The following RIMS2 variants were observed in gnomAD, a reference collection of about 807,000 sequenced individuals.
RIMS2 encodes the protein regulating synaptic membrane exocytosis protein 2.
In RIMS2, 59 loss-of-function variants were observed where a neutral mutation model predicts 174.4. The ratio of observed to expected loss-of-function variants is 0.34; its 90% confidence interval spans 0.27 to 0.42. The LOEUF (loss-of-function observed/expected upper bound fraction) is 0.42, where lower values mean the gene tolerates loss of function less well. Ranked by LOEUF, RIMS2 falls within the 10% of genes least tolerant of loss-of-function variation. The pLI is 1.00. For missense variants in RIMS2, 1,620 were observed against 1,666.3 expected (o/e 0.97, Z 0.48); for synonymous variants, 606 against 572.5 (o/e 1.06, Z -0.84).
intron 19 of RIMS2, among the ~76,000 whole-genome samples, chr8:104,073,053 A>G (rs1424706126): frequency 1.3e-5 from 2 of 152,172 alleles, no homozygotes; most frequent in African/African-American, 4.8e-5. Flanking sequence ...TTTAAGGATC[A>G]ACGTATTTTT....
intron 3 of RIMS2, among the ~76,000 whole-genome samples, chr8:103,821,526 A>G (rs998328067): frequency 3.3e-5 from 5 of 151,744 alleles, no homozygotes; most frequent in African/African-American, 1.2e-4. Context: ...ATGTCCCATC[A>G]GCTACTTGAT....
intron 1 of RIMS2, among the ~76,000 whole-genome samples, chr8:103,525,940 C>T (rs1460751850): frequency 1.4e-4 from 22 of 152,122 alleles, no homozygotes; most frequent in Admixed American, 1.4e-3. Flanking sequence ...AGAGCTAACA[C>T]ATCAATGAAG....
At chr8:103,557,555 C>A (rs865788205) in intron 1 of RIMS2, among the ~76,000 whole-genome samples, 3 of 152,250 alleles carry the variant, frequency 2.0e-5, no homozygotes, top group Non-Finnish European at 2.9e-5. Flanking sequence ...GTGTTCCAGG[C>A]ACTGTTCTAG....
At chr8:103,646,024 G>C (rs1262804805) in intron 1 of RIMS2, among the ~76,000 whole-genome samples, 1 of 151,984 alleles carries the variant, frequency 6.6e-6, no homozygotes, top group Admixed American at 6.6e-5. Context: ...ACAGTCAAAG[G>C]GGGGTTGTTC....
At chr8:104,242,404 A>T (rs935601536) in intron 19 of RIMS2, among the ~76,000 whole-genome samples, 1 of 152,180 alleles carries the variant, frequency 6.6e-6, no homozygotes, top group South Asian at 2.1e-4. Flanking sequence ...TGCATATTCA[A>T]ATTTTCCTTA....
intron 1 of RIMS2, among the ~76,000 whole-genome samples, chr8:103,550,624 A>G (rs930316407): frequency 4.6e-5 from 7 of 152,210 alleles, no homozygotes; most frequent in African/African-American, 7.2e-5. Flanking sequence ...ACTGAAGGAG[A>G]TAGAGACACA....
intron 1 of RIMS2, among the ~76,000 whole-genome samples, chr8:103,599,723 T>A (rs1269279539): frequency 6.6e-6 from 1 of 152,108 alleles, no homozygotes; most frequent in African/African-American, 2.4e-5. Flanking sequence ...GTGCTGGGAT[T>A]ACAGGCATGA....
At chr8:103,624,310 C>T (rs879504479) in intron 1 of RIMS2, among the ~76,000 whole-genome samples, 6 of 152,152 alleles carry the variant, frequency 3.9e-5, no homozygotes, top group Non-Finnish European at 7.4e-5. Flanking sequence ...AGGAATTCTC[C>T]CCATTTGCTG....
intron 2 of RIMS2, among the ~76,000 whole-genome samples, chr8:103,704,982 C>A (rs2097208276): frequency 6.6e-6 from 1 of 150,968 alleles, no homozygotes; most frequent in Admixed American, 6.6e-5. Context: ...TATATTTTTT[C>A]TTTTATTAAT....
Position 103,912,040 on chromosome 8 carries a change from T to C in RIMS2, c.1693-13T>C. On this transcript the variant is annotated splice_polypyrimidine_tract_variant and intron_variant, in intron 5 of 23. Transcript: ENST00000504942. ...TGTATTTATTTATTTTGTTTGTTGA[T>C]GCAAAATGTCAGCACCCTGTAACCT... 1 of 1,530,804 alleles carries C rather than the reference T, an allele frequency of 6.5e-7. No homozygotes were observed. Among genetic ancestry groups the C allele is most frequent in the Non-Finnish European group, 8.8e-7 (1 of 1,132,946 alleles). The allele number at this position is 1,530,804 out of a possible 1,614,324, so 94.8% of individuals were successfully genotyped here.
chr8:103,969,335 T>C (rs1401956889), intron 15 of RIMS2, among the ~76,000 whole-genome samples: 1 of 152,138 alleles, frequency 6.6e-6, no homozygotes, highest in Middle Eastern at 3.2e-3. Flanking sequence ...AAATATGTTA[T>C]ACCTTGTGTA....
intron 1 of RIMS2, among the ~76,000 whole-genome samples, chr8:103,572,465 T>G (rs1355767324): frequency 6.6e-6 from 1 of 152,182 alleles, no homozygotes; most frequent in Non-Finnish European, 1.5e-5. Context: ...TTGGTGAGTT[T>G]ACAAACTCAA....
chr8:104,174,782 G>A (rs992071150), intron 19 of RIMS2, among the ~76,000 whole-genome samples: 3 of 152,178 alleles, frequency 2.0e-5, no homozygotes, highest in Non-Finnish European at 4.4e-5. Flanking sequence ...TGTGAAGCTG[G>A]AGAATTTTCT....
intron 1 of RIMS2, among the ~76,000 whole-genome samples, chr8:103,527,066 A>G (rs1179042297): frequency 6.6e-6 from 1 of 152,222 alleles, no homozygotes; most frequent in Non-Finnish European, 1.5e-5. Flanking sequence ...GCTGATTCTC[A>G]ACAGAAACAA....
rs186079102 is a variant in RIMS2, at chr8:104,101,424, C to T, written c.3334+86809C>T. 1.2e-3 allele frequency among the ~76,000 whole-genome samples: 187 copies of T among 152,166 alleles called. 1 individual carries two copies. The highest frequency in any genetic ancestry group is 4.0e-3 in the African/African-American group (168 of 41,518). On this transcript the variant is annotated intron_variant, in intron 19 of 23. Coordinates refer to ENST00000504942, the Ensembl canonical transcript of RIMS2. ...GATTACAGGCATGAGCCACCGTGCC[C>T]GGCCTTCTTGGACTATATTAATTCT...
At chr8:104,187,752 T>A (rs1053373623) in intron 19 of RIMS2, among the ~76,000 whole-genome samples, 4 of 151,798 alleles carry the variant, frequency 2.6e-5, no homozygotes, top group African/African-American at 9.7e-5. Flanking sequence ...GTTTACTGTT[T>A]AGAAATCATG....
intron 1 of RIMS2, among the ~76,000 whole-genome samples, chr8:103,610,394 TC>T (rs1383496028): frequency 3.3e-5 from 5 of 152,190 alleles, no homozygotes; most frequent in African/African-American, 1.2e-4. Context: ...ATAGAGGGCA[TC>T]CCTGTCTTAT....
chr8:104,119,194 A>AAAAC (rs1381538541), intron 19 of RIMS2, among the ~76,000 whole-genome samples: 56 of 151,276 alleles, frequency 3.7e-4, no homozygotes, highest in Non-Finnish European at 6.8e-4. Context: ...AAAAACAAAA[A>AAAAC]AAAAAAAAAT....
At chr8:103,627,331 T>C (rs1348911858) in intron 1 of RIMS2, among the ~76,000 whole-genome samples, 1 of 152,194 alleles carries the variant, frequency 6.6e-6, no homozygotes, top group East Asian at 1.9e-4. Context: ...AAATCACTGT[T>C]ATTCTGTTCT....
Sources: allele counts gnomAD v4.1 joint callset (sites outside exome capture counted in the v4.1 genomes callset), GRCh38; gene constraint gnomAD v4.1.1; transcripts MANE v1.5; gene names NCBI Gene and HGNC (gene_info 2026-07-23, HGNC 2026-07-21).